The following KCNH8 variants were observed in gnomAD, a reference collection of about 807,000 sequenced individuals.
KCNH8 encodes the protein potassium voltage-gated channel subfamily H member 8.
In KCNH8, 70 loss-of-function variants were observed where a neutral mutation model predicts 103.6. The observed-to-expected ratio is 0.68, with a 90% CI of 0.56 to 0.82. The LOEUF is 0.82. KCNH8 is among the 40% of genes least tolerant of loss of function. The pLI is 0.00. For synonymous variants in KCNH8, 498 were observed against 489.4 expected (o/e 1.02, Z -0.23); for missense variants, 1,217 against 1,329.9 (o/e 0.92, Z 1.32).
chr3:19,393,939 A>G (rs1334574355), intron 6 of KCNH8, among the ~76,000 whole-genome samples: 1 of 152,082 alleles, frequency 6.6e-6, no homozygotes, highest in Non-Finnish European at 1.5e-5. Context: ...TCTAATAAAT[A>G]TTTATTGAGC....
At chr3:19,156,272 G>A (rs1204758577) in intron 1 of KCNH8, among the ~76,000 whole-genome samples, 15 of 152,062 alleles carry the variant, frequency 9.9e-5, no homozygotes. Context: ...CCCACTTTTT[G>A]AGTCAAAGAT....
chr3:19,449,084 G>C, intron 8 of KCNH8: 2 of 552,382 alleles, frequency 3.6e-6, no homozygotes, highest in South Asian at 3.4e-5. Context: ...GGTAATTCCT[G>C]GAAAGTGAGG....
chr3:19,288,263 T>TA (rs761593421), intron 3 of KCNH8, among the ~76,000 whole-genome samples: 1 of 146,964 alleles, frequency 6.8e-6, no homozygotes, highest in East Asian at 2.0e-4. Flanking sequence ...ACTTTTGGGG[T>TA]ACATGTGCAC....
intron 3 of KCNH8, among the ~76,000 whole-genome samples, chr3:19,319,805 A>G (rs1160453340): frequency 4.0e-5 from 6 of 151,822 alleles, no homozygotes; most frequent in Non-Finnish European, 7.4e-5. Context: ...TGAGCATGGG[A>G]TATGTTTCCG....
chr3:19,322,346 A>G (rs1259557635), intron 3 of KCNH8, among the ~76,000 whole-genome samples: 2 of 152,160 alleles, frequency 1.3e-5, no homozygotes, highest in Non-Finnish European at 2.9e-5. Flanking sequence ...TTCGAAATTT[A>G]AAGCTCCTTT....
Position 19,281,229 on chromosome 3 carries a change from T to C in KCNH8, c.342T>C (p.Val114=), listed in dbSNP as rs748182055. The C allele has an allele frequency of 8.7e-6, 14 of 1,611,354 alleles. No homozygotes were observed. Among genetic ancestry groups the C allele is most frequent in the Admixed American group, 8.4e-5 (5 of 59,812 alleles). The change falls in exon 3 of 16, where the codon GTT becomes GTC. Residue 114 remains valine (V), a synonymous_variant. Transcript: ENST00000328405. ...GSPFWCLLDI[V]PIKNEKGDVV... is the part of the protein sequence containing the mutation. ...CATTTTGGTGCCTACTGGATATTGT[T>C]CCCATAAAGAATGAAAAAGGAGATG...
intron 5 of KCNH8, among the ~76,000 whole-genome samples, chr3:19,383,041 G>C (rs577772814): frequency 2.6e-5 from 4 of 152,118 alleles, no homozygotes; most frequent in African/African-American, 9.6e-5. Flanking sequence ...AAGTGTTCCA[G>C]GTTACCCCTG....
chr3:19,375,100 C>G lies in KCNH8; in HGVS notation c.812-15381C>G, dbSNP rs1055065965. Among the ~76,000 whole-genome samples the G allele has an allele frequency of 2.6e-5, 4 of 151,516 alleles. 1 individual carries two copies. The highest frequency in any genetic ancestry group is 7.3e-5 in the African/African-American group (3 of 41,288). ...TTATGTGTCTTGGAGTTGCTCTTCTCAAGGAGTATCTTTGTGGCGTTCTCT... is the reference window on the plus strand; with the variant it reads ...TTATGTGTCTTGGAGTTGCTCTTCTGAAGGAGTATCTTTGTGGCGTTCTCT... On this transcript the variant is annotated intron_variant, in intron 5 of 15. Transcript: ENST00000328405.
In KCNH8 at chr3:19,428,440, G is replaced by A. The variant is rs140087566; in HGVS notation, c.1178-9724G>A. ...TTGTGTACATTATTTTCTACTTACG[G>A]AACTGGGATGCTGAATTAATATATA... On this transcript the variant is annotated intron_variant, in intron 7 of 15. Transcript: ENST00000328405. 7.0e-3 allele frequency among the ~76,000 whole-genome samples: 1,061 copies of A among 152,190 alleles called. 5 individuals are homozygous for A. Among genetic ancestry groups the A allele is most frequent in the Non-Finnish European group, 0.011 (775 of 68,006 alleles).
intron 11 of KCNH8, among the ~76,000 whole-genome samples, chr3:19,469,503 G>A (rs189542593): frequency 2.6e-4 from 40 of 152,138 alleles, no homozygotes; most frequent in Admixed American, 2.6e-3. Flanking sequence ...GCAGTGGCGC[G>A]ATCTCGGCTC....
intron 11 of KCNH8, among the ~76,000 whole-genome samples, chr3:19,481,961 G>A (rs1045779225): frequency 7.2e-5 from 11 of 152,180 alleles, no homozygotes; most frequent in African/African-American, 2.2e-4. Flanking sequence ...ATTTGTAGAA[G>A]GAAAGGGCTT....
chr3:19,411,273 C>T (rs1185030810), intron 7 of KCNH8, among the ~76,000 whole-genome samples: 1 of 151,990 alleles, frequency 6.6e-6, no homozygotes, highest in East Asian at 1.9e-4. Context: ...ACCATATGAT[C>T]ATCTCAATAG....
intron 15 of KCNH8, among the ~76,000 whole-genome samples, chr3:19,528,847 A>G (rs1239417265): frequency 6.6e-6 from 1 of 152,158 alleles, no homozygotes; most frequent in African/African-American, 2.4e-5. Flanking sequence ...AGATACTGAG[A>G]TAACAGTTTC....
chr3:19,397,540 T>C (rs978627891), intron 7 of KCNH8, among the ~76,000 whole-genome samples: 23 of 150,160 alleles, frequency 1.5e-4, no homozygotes, highest in African/African-American at 3.4e-4. Flanking sequence ...TATACACACA[T>C]ATATATATAT....
At position 19,395,235 on chromosome 3, in the gene KCNH8, A is replaced by T; in HGVS notation, c.1101A>T (p.Ala367=). The change falls in exon 7 of 16, where the codon GCA becomes GCT. Residue 367 remains alanine (A), a synonymous_variant. Transcript: ENST00000328405. ...TCATGTCCATGTTTGCACTCCTTGC[A>T]CACTGGATGGCGTGTATCTGGTACG... is the stretch of plus-strand genomic sequence containing the variant. ...TLLMSMFALL[A]HWMACIWYVI... is the part of the protein sequence containing the mutation. The T allele has an allele frequency of 6.2e-7, 1 of 1,609,784 alleles. No homozygotes were observed. The highest frequency in any genetic ancestry group is 8.5e-7 in the Non-Finnish European group (1 of 1,178,130).
intron 5 of KCNH8, among the ~76,000 whole-genome samples, chr3:19,375,426 G>C (rs1427927260): frequency 1.3e-5 from 2 of 150,960 alleles, no homozygotes; most frequent in Non-Finnish European, 2.9e-5. Context: ...CATTCTTCAC[G>C]TAGTTCTCAA....
At position 19,518,269 on chromosome 3, in the gene KCNH8, C is replaced by G. The variant is rs548024705; in HGVS notation, c.2619+195C>G. Among the ~76,000 whole-genome samples the G allele has an allele frequency of 2.0e-5, 3 of 152,134 alleles. No homozygotes were observed. In the South Asian group the frequency reaches 6.2e-4, roughly 32 times the overall value. ...CTTACCTTCTCTCAAGCTCCACTTCCCCATGTGTAAGAAGGGAAGAATAAT... is the reference window on the plus strand; with the variant it reads ...CTTACCTTCTCTCAAGCTCCACTTCGCCATGTGTAAGAAGGGAAGAATAAT... On this transcript the variant is annotated intron_variant, in intron 15 of 15. Coordinates refer to ENST00000328405, the MANE Select transcript of KCNH8 (RefSeq NM_144633.3).
intron 3 of KCNH8, among the ~76,000 whole-genome samples, chr3:19,310,953 C>G (rs1316536207): frequency 1.3e-5 from 2 of 151,806 alleles, no homozygotes; most frequent in Non-Finnish European, 2.9e-5. Flanking sequence ...CCTCTTCACT[C>G]CATCAGATTG....
intron 1 of KCNH8, among the ~76,000 whole-genome samples, chr3:19,154,524 G>T (rs948283080): frequency 6.6e-6 from 1 of 152,172 alleles, no homozygotes; most frequent in Non-Finnish European, 1.5e-5. Context: ...GCACACTACA[G>T]TAGATGCCAA....
Sources: allele counts gnomAD v4.1 joint callset (sites outside exome capture counted in the v4.1 genomes callset), GRCh38; gene constraint gnomAD v4.1.1; transcripts MANE v1.5; gene names NCBI Gene and HGNC (gene_info 2026-07-23, HGNC 2026-07-21).